Variants in KCNIP4 observed in about 807,000 individuals in gnomAD.
KCNIP4 encodes the protein Kv channel-interacting protein 4.
KCNIP4 carries 12 observed loss-of-function variants against 34.0 expected under a neutral mutation model. The observed-to-expected ratio is 0.35, with a 90% CI of 0.23 to 0.57. The LOEUF (loss-of-function observed/expected upper bound fraction) is 0.57. Ranked by LOEUF, KCNIP4 falls within the 20% of genes least tolerant of loss-of-function variation. The probability of loss-of-function intolerance (pLI) is 0.83; values close to 1 mark genes in which losing one functional copy is unlikely to be tolerated. For missense variants in KCNIP4, 238 were observed against 311.7 expected, an observed-to-expected ratio of 0.76 and a Z score of 1.78; for synonymous variants, 124 against 102.2, an observed-to-expected ratio of 1.21 and a Z score of -1.29.
chr4:20,979,683 C>T (rs1423922946), intron 1 of KCNIP4, among the ~76,000 whole-genome samples: 2 of 152,014 alleles, frequency 1.3e-5, no homozygotes, highest in Non-Finnish European at 2.9e-5. Context: ...CAGGTGTGAG[C>T]CACCGCGCCT....
At chr4:20,757,967 C>G (rs1305420625) in intron 4 of KCNIP4, among the ~76,000 whole-genome samples, 1 of 152,110 alleles carries the variant, frequency 6.6e-6, no homozygotes, top group African/African-American at 2.4e-5. Context: ...TTTTTTAACT[C>G]CCATAATCAC....
intron 1 of KCNIP4, among the ~76,000 whole-genome samples, chr4:21,896,525 A>G (rs906844688): frequency 7.4e-6 from 1 of 134,914 alleles, no homozygotes; most frequent in Admixed American, 6.9e-5. Context: ...GTAAGGACAA[A>G]GGAAAATGTA....
At chr4:21,291,526 A>G (rs1763461655) in intron 1 of KCNIP4, among the ~76,000 whole-genome samples, 1 of 152,074 alleles carries the variant, frequency 6.6e-6, no homozygotes, top group South Asian at 2.1e-4. Context: ...ACACAGACAC[A>G]AGAGAAGTAC....
In KCNIP4 at chr4:21,774,152, A is replaced by G. The variant is rs1719015924; in HGVS notation, c.61+174419T>C. ...CCTGGTGATAATAAAATCCCTCAGC[A>G]TTTGCTTGTCTGGAAAGGATTTTAT... On this transcript the variant is annotated intron_variant, in intron 1 of 8. Coordinates refer to ENST00000382152, the MANE Select transcript of KCNIP4 (RefSeq NM_025221.6). Among the ~76,000 whole-genome samples, 2 of 151,948 alleles carry G rather than the reference A, an allele frequency of 1.3e-5. 1 individual carries two copies. Among genetic ancestry groups the G allele is most frequent in the South Asian group, 4.2e-4 (2 of 4,806 alleles).
At chr4:21,608,046 C>CTT (rs1415061794) in intron 1 of KCNIP4, among the ~76,000 whole-genome samples, 1 of 152,086 alleles carries the variant, frequency 6.6e-6, no homozygotes, top group Non-Finnish European at 1.5e-5. Flanking sequence ...CTCTGCAAGG[C>CTT]TTTTACTCAT....
intron 1 of KCNIP4, among the ~76,000 whole-genome samples, chr4:21,786,432 AT>A (rs1313362452): frequency 6.6e-6 from 1 of 152,148 alleles, no homozygotes; most frequent in African/African-American, 2.4e-5. Flanking sequence ...CTGATCAGTC[AT>A]TTTATTATTG....
Position 20,863,840 on chromosome 4 carries a change from C to G in KCNIP4, c.164-13173G>C, listed in dbSNP as rs186108045. Among the ~76,000 whole-genome samples, 56 of 152,118 alleles carry G rather than the reference C, an allele frequency of 3.7e-4. No individual in the cohort carries two copies. The East Asian group carries it at 0.011, about 30-fold the overall frequency. On this transcript the variant is annotated intron_variant, in intron 2 of 8. Transcript: ENST00000382152. ...TAATAACAAACCTGCACATGCACCC[C>G]TGAACTTAGAAGTTAAAACGAAGGA...
chr4:21,239,806 G>C (rs1053196967), intron 1 of KCNIP4, among the ~76,000 whole-genome samples: 1 of 152,166 alleles, frequency 6.6e-6, no homozygotes. Flanking sequence ...CATTGTGGAA[G>C]ACAGTGTGGT....
rs528766673 is a variant in KCNIP4, at chr4:21,828,159, A to C, written c.61+120412T>G. 2.1e-3 allele frequency among the ~76,000 whole-genome samples: 321 copies of C among 151,550 alleles called. 3 individuals carry two copies. Among genetic ancestry groups the C allele is most frequent in the African/African-American group, 7.4e-3 (309 of 41,520 alleles). On this transcript the variant is annotated intron_variant, in intron 1 of 8. Coordinates refer to ENST00000382152, the MANE Select transcript of KCNIP4 (RefSeq NM_025221.6). ...TATAAATTAGGAATAAAAGACTATAAAAGTTGGTACGTATATTTTAAAAAA... is the reference window on the plus strand; with the variant it reads ...TATAAATTAGGAATAAAAGACTATACAAGTTGGTACGTATATTTTAAAAAA...
At chr4:21,178,152 T>G (rs540650434) in intron 1 of KCNIP4, among the ~76,000 whole-genome samples, 1 of 152,154 alleles carries the variant, frequency 6.6e-6, no homozygotes, top group Non-Finnish European at 1.5e-5. Context: ...TTTAATTATC[T>G]GCCTTAGAAA....
chr4:21,632,398 TG>T (rs1357046647), intron 1 of KCNIP4, among the ~76,000 whole-genome samples: 3 of 59,488 alleles, frequency 5.0e-5, no homozygotes, highest in Admixed American at 1.8e-4. Context: ...ATTTTTCACT[TG>T]TTTTTTTTGT....
chr4:20,957,042 A>G (rs967751497), intron 1 of KCNIP4, among the ~76,000 whole-genome samples: 3 of 152,242 alleles, frequency 2.0e-5, no homozygotes, highest in Non-Finnish European at 4.4e-5. Flanking sequence ...ACAAGGAAAA[A>G]GAAAGAATAG....
At chr4:21,396,102 C>T (rs1722969622) in intron 1 of KCNIP4, among the ~76,000 whole-genome samples, 1 of 150,738 alleles carries the variant, frequency 6.6e-6, no homozygotes. Context: ...GTAGAGTCTC[C>T]TATATATAGT....
chr4:21,669,209 T>G (rs948188396), intron 1 of KCNIP4, among the ~76,000 whole-genome samples: 2 of 141,270 alleles, frequency 1.4e-5, no homozygotes, highest in Non-Finnish European at 3.1e-5. Flanking sequence ...TGCTGCAGCC[T>G]CGACCTCCCG....
intron 1 of KCNIP4, among the ~76,000 whole-genome samples, chr4:21,025,323 T>A (rs1211220068): frequency 1.3e-5 from 2 of 151,612 alleles, no homozygotes; most frequent in Admixed American, 6.6e-5. Context: ...GCTGGAAGAG[T>A]TAAGAAACCT....
chr4:21,249,232 A>G (rs574194500), intron 1 of KCNIP4, among the ~76,000 whole-genome samples: 1 of 152,260 alleles, frequency 6.6e-6, no homozygotes, highest in South Asian at 2.1e-4. Flanking sequence ...ATGCATGCAT[A>G]CATACATACA....
chr4:21,905,798 A>G (rs1429112817), intron 1 of KCNIP4, among the ~76,000 whole-genome samples: 1 of 152,140 alleles, frequency 6.6e-6, no homozygotes, highest in African/African-American at 2.4e-5. Context: ...TAGATTCCTG[A>G]CTTTCTCTGA....
chr4:21,076,371 G>A (rs1463325978), intron 1 of KCNIP4, among the ~76,000 whole-genome samples: 1 of 151,926 alleles, frequency 6.6e-6, no homozygotes, highest in Non-Finnish European at 1.5e-5. Context: ...GAAATGTTAT[G>A]GCTCTTATAG....
chr4:21,087,146 A>ATGTGTATGTGTGTGTG (rs1553935808), intron 1 of KCNIP4, among the ~76,000 whole-genome samples: 11 of 110,934 alleles, frequency 9.9e-5, no homozygotes, highest in African/African-American at 4.1e-4. Context: ...CTGCTGGGTA[A>ATGTGTATGTGTGTGTG]TGTGTGTGTG....
Sources: allele counts gnomAD v4.1 joint callset (sites outside exome capture counted in the v4.1 genomes callset), GRCh38; gene constraint gnomAD v4.1.1; transcripts MANE v1.5; gene names NCBI Gene and HGNC (gene_info 2026-07-23, HGNC 2026-07-21).